The following KLK2 variants were observed in gnomAD, a reference collection of about 807,000 sequenced individuals.
KLK2 encodes the protein kallikrein-2.
KLK2 carries 17 observed loss-of-function variants against 23.0 expected under a neutral mutation model. The observed-to-expected ratio is 0.74, with a 90% CI of 0.51 to 1.11. KLK2 has a LOEUF of 1.11. KLK2 is among the 50% of genes least tolerant of loss of function. KLK2 has a pLI of 0.00. For missense variants in KLK2, 330 were observed against 325.9 expected (o/e 1.01, Z -0.10); for synonymous variants, 140 against 124.7 (o/e 1.12, Z -0.82).
Position 50,876,650 on chromosome 19 carries a change from C to G in KLK2, c.385C>G (p.Pro129Ala). Residue 129 changes from proline to alanine, a missense_variant, in exon 3 of 5, where the codon CCT becomes GCT. By Grantham distance (27) the Pro-to-Ala change is conservative (BLOSUM62 -1). Coordinates refer to ENST00000325321, the MANE Select transcript of KLK2 (RefSeq NM_005551.5). ...CCTCATGCTGCTCCGCCTGTCAGAG[C>G]CTGCCAAGATCACAGATGTTGTGAA... ...HDLMLLRLSE[P>A]AKITDVVKVL... 6.2e-7 allele frequency: 1 copy of G among 1,614,176 alleles called. No individual in the cohort carries two copies. Among genetic ancestry groups the G allele is most frequent in the Non-Finnish European group, 8.5e-7 (1 of 1,180,038 alleles).
Position 50,878,549 on chromosome 19 carries a change from C to G in KLK2, c.776C>G (p.Ala259Gly). 6.2e-7 allele frequency: 1 copy of G among 1,613,306 alleles called. No homozygotes were observed. Among genetic ancestry groups the G allele is most frequent in the Non-Finnish European group, 8.5e-7 (1 of 1,179,402 alleles). The stretch of plus-strand genomic sequence containing the variant: ...AAGTGGATCAAGGACACCATCGCAG[C>G]CAACCCCTGAGTGCCCCTGTCCCAC... ...YRKWIKDTIA[A>G]NP The change falls in exon 5 of 5, where the codon GCC becomes GGC. Residue 259 changes from alanine (A) to glycine (G), a missense_variant. Coordinates refer to ENST00000325321, the MANE Select transcript of KLK2 (RefSeq NM_005551.5).
At position 50,880,177 on chromosome 19, in the gene KLK2, T is replaced by C. The variant is rs142002082; in HGVS notation, c.*1618T>C. The C allele has an allele frequency of 7.0e-5, 16 of 230,050 alleles. No individual in the cohort carries two copies. The highest frequency in any genetic ancestry group is 1.2e-4 in the Non-Finnish European group (14 of 116,058). The allele number at this position is 230,050 out of a possible 1,614,324, so 14.3% of individuals were successfully genotyped here. Reference sequence around the variant, plus strand: ...CACCCCACACATAGCACCGGAGATATGAGATCAACAGTTTCTTAGCCATAG... The same window carrying C: ...CACCCCACACATAGCACCGGAGATACGAGATCAACAGTTTCTTAGCCATAG... On this transcript the variant is annotated 3_prime_UTR_variant, in exon 5 of 5. Coordinates refer to ENST00000325321, the MANE Select transcript of KLK2 (RefSeq NM_005551.5).
chr19:50,874,147 C>G (rs975534926), intron 1 of KLK2: 1 of 152,828 alleles, frequency 6.5e-6, no homozygotes, highest in Admixed American at 6.5e-5. Context: ...GGGAAAAACA[C>G]GAGCACCCCC....
In KLK2 at chr19:50,878,764, T is replaced by A. The variant is rs924310901; in HGVS notation, c.*205T>A. 13 of 488,706 alleles carry A rather than the reference T, an allele frequency of 2.7e-5. No homozygotes were observed. The Middle Eastern group carries it at 9.0e-4, about 34-fold the overall frequency. 30.3% of individuals were successfully genotyped at this position (488,706 alleles called of 1,614,324 possible). On this transcript the variant is annotated 3_prime_UTR_variant, in exon 5 of 5. Coordinates refer to ENST00000325321, the MANE Select transcript of KLK2 (RefSeq NM_005551.5). ...ATGGGCAGACACAGGTGTATGCCAATGTTTCTGAAATGGGTATAATTTCGT... is the reference window on the plus strand; with the variant it reads ...ATGGGCAGACACAGGTGTATGCCAAAGTTTCTGAAATGGGTATAATTTCGT...
At chr19:50,876,360 G>C in intron 2 of KLK2, 112 bp from the exon 3 acceptor site, 1 of 942,844 alleles carries the variant, frequency 1.1e-6, no homozygotes, top group Non-Finnish European at 1.6e-6. Context: ...CGACCCCTGT[G>C]CTTTTCTCAC....
In KLK2 at chr19:50,873,508, TG is replaced by T; in HGVS notation, c.39del (p.Cys14AlafsTer54). The T allele has an allele frequency of 6.3e-7, 1 of 1,596,128 alleles. No homozygotes were observed. The highest frequency in any genetic ancestry group is 8.6e-7 in the Non-Finnish European group (1 of 1,168,010). ...WDLVLSIALS[V>X]GCTGAVPLIQ... Reference sequence around the variant, plus strand: ...CTGGTTCTCTCCATCGCCTTGTCTGTGGGGTGCACTGGTGAGATTGGGGGGA... The same window carrying T: ...CTGGTTCTCTCCATCGCCTTGTCTGTGGGTGCACTGGTGAGATTGGGGGGA... On this transcript the variant is annotated frameshift_variant, in exon 1 of 5. Coordinates refer to ENST00000325321, the MANE Select transcript of KLK2 (RefSeq NM_005551.5). LOFTEE classifies it high-confidence loss of function.
rs2090294490 is a variant in KLK2, at chr19:50,876,870, A to T, written c.494-2A>T. ...ACAGCCCAGTTTTTCTCTGACCCAT[A>T]GTCTTGCGCCCCAGGAGTCTTCAGT... On this transcript the variant is annotated splice_acceptor_variant, in intron 3 of 4. Coordinates refer to ENST00000325321, the MANE Select transcript of KLK2 (RefSeq NM_005551.5). LOFTEE classifies it high-confidence loss of function. The T allele has an allele frequency of 2.5e-6, 4 of 1,613,908 alleles. No homozygotes were observed. The highest frequency in any genetic ancestry group is 3.4e-6 in the Non-Finnish European group (4 of 1,179,876).
rs2090314746 is a variant in KLK2, at chr19:50,878,709, G to T, written c.*150G>T. On this transcript the variant is annotated 3_prime_UTR_variant, in exon 5 of 5. Transcript: ENST00000325321. ...GAGTCCTACTGACCTGTGCTTTCTG[G>T]TGTGGAGTCCAGGGCTGCTAGGAAA... The T allele has an allele frequency of 4.3e-6, 3 of 691,596 alleles. No individual in the cohort carries two copies. Among genetic ancestry groups the T allele is most frequent in the Non-Finnish European group, 7.4e-6 (3 of 402,888 alleles). The allele number at this position is 691,596 out of a possible 1,614,324, so 42.8% of individuals were successfully genotyped here. A position where few individuals can be genotyped will look rare whatever the true frequency, so the allele number is the denominator to read the frequency against.
chr19:50,878,427 CTGTAATGG>C lies in KLK2; in HGVS notation c.658_665del (p.Asn220AlafsTer10). ...AGGGTGATTCTGGGGGTCCACTTGT[CTGTAATGG>C]TGTGCTTCAAGGTATCACATCATGG... On this transcript the variant is annotated frameshift_variant, in exon 5 of 5. Coordinates refer to ENST00000325321, the MANE Select transcript of KLK2 (RefSeq NM_005551.5). LOFTEE classifies it low-confidence loss of function (END_TRUNC). The C allele has an allele frequency of 6.2e-7, 1 of 1,613,734 alleles. No individual in the cohort carries two copies. Among genetic ancestry groups the C allele is most frequent in the South Asian group, 1.1e-5 (1 of 91,062 alleles).
chr19:50,873,512 G>T lies in KLK2; in HGVS notation c.39G>T (p.Gly13=). ...DLVLSIALSV[G]CTGAVPLIQS... ...TTCTCTCCATCGCCTTGTCTGTGGG[G>T]TGCACTGGTGAGATTGGGGGGATAA... Residue 13 remains glycine, a synonymous_variant, in exon 1 of 5, where the codon GGG becomes GGT. Transcript: ENST00000325321. 1.9e-6 allele frequency: 3 copies of T among 1,591,378 alleles called. No homozygotes were observed. Among genetic ancestry groups the T allele is most frequent in the Non-Finnish European group, 2.6e-6 (3 of 1,163,702 alleles).
intron 1 of KLK2, 25 bp from the exon 2 acceptor site, chr19:50,874,696 C>G: frequency 6.3e-7 from 1 of 1,594,182 alleles, no homozygotes; most frequent in Non-Finnish European, 8.5e-7. Context: ...GGTCTGATCC[C>G]CCTGACCCAG....
At position 50,874,704 on chromosome 19, in the gene KLK2, C is replaced by G. The variant is rs750070282; in HGVS notation, c.47-17C>G. 1 of 1,600,904 alleles carries G rather than the reference C, an allele frequency of 6.2e-7. No individual in the cohort carries two copies. Among genetic ancestry groups the G allele is most frequent in the Admixed American group, 1.7e-5 (1 of 59,230 alleles). On this transcript the variant is annotated splice_polypyrimidine_tract_variant and intron_variant, in intron 1 of 4. Transcript: ENST00000325321. ...TCTTTTGGGTCTGATCCCCCTGACCCAGCACCCCCTCCGCAGGTGCCGTGC... is the reference window on the plus strand; with the variant it reads ...TCTTTTGGGTCTGATCCCCCTGACCGAGCACCCCCTCCGCAGGTGCCGTGC...
chr19:50,874,990 G>A, intron 2 of KLK2, 110 bp downstream of exon 2: 1 of 1,442,574 alleles, frequency 6.9e-7, no homozygotes, highest in Non-Finnish European at 9.1e-7. Flanking sequence ...CTAAAGGAGA[G>A]AGGGAAGGTC....
Position 50,879,818 on chromosome 19 carries a change from C to T in KLK2, c.*1259C>T, listed in dbSNP as rs2090324907. Reference sequence around the variant, plus strand: ...ATCAAGGCACTTGGGCAGAACATGCCAAGGAATCAAATGTCATCTCCCAGG... The same window carrying T: ...ATCAAGGCACTTGGGCAGAACATGCTAAGGAATCAAATGTCATCTCCCAGG... On this transcript the variant is annotated 3_prime_UTR_variant, in exon 5 of 5. Coordinates refer to ENST00000325321, the MANE Select transcript of KLK2 (RefSeq NM_005551.5). The T allele has an allele frequency of 8.7e-6, 2 of 229,554 alleles. No individual in the cohort carries two copies. Among genetic ancestry groups the T allele is most frequent in the Admixed American group, 5.7e-5 (1 of 17,656 alleles). 14.2% of individuals were successfully genotyped at this position (229,554 alleles called of 1,614,324 possible). A position where few individuals can be genotyped will look rare whatever the true frequency, so the allele number is the denominator to read the frequency against.
chr19:50,873,561 C>T, intron 1 of KLK2, 42 bp downstream of exon 1: 3 of 1,429,090 alleles, frequency 2.1e-6, no homozygotes, highest in African/African-American at 1.4e-5. Context: ...GGTTCTGACT[C>T]TTATGCTGAA....
chr19:50,875,109 T>G, intron 2 of KLK2: 1 of 714,030 alleles, frequency 1.4e-6, no homozygotes, highest in Non-Finnish European at 2.1e-6. Flanking sequence ...TATCTGGCTC[T>G]GGTTGTGTCT....
chr19:50,873,449 C>T lies in KLK2; in HGVS notation c.-25C>T. Reference sequence around the variant, plus strand: ...AGGCCCCCCAGCCCCAAACTCACCACCTGGCCGTGGACACCTGTGTCAGCA... The same window carrying T: ...AGGCCCCCCAGCCCCAAACTCACCATCTGGCCGTGGACACCTGTGTCAGCA... On this transcript the variant is annotated 5_prime_UTR_variant, in exon 1 of 5. Coordinates refer to ENST00000325321, the MANE Select transcript of KLK2 (RefSeq NM_005551.5). The T allele has an allele frequency of 6.3e-7, 1 of 1,585,302 alleles. No homozygotes were observed. Among genetic ancestry groups the T allele is most frequent in the Non-Finnish European group, 8.6e-7 (1 of 1,162,618 alleles).
At position 50,874,900 on chromosome 19, in the gene KLK2, C is replaced by T. The variant is rs1360917319; in HGVS notation, c.206+20C>T. On this transcript the variant is annotated intron_variant, in intron 2 of 4. Transcript: ENST00000325321. ...AAAGAAGTAAGTAGGACCCTGGGAT[C>T]TGGGGAGGGAATGGCTGTGTCCCAC... is the stretch of plus-strand genomic sequence containing the variant. 6.2e-7 allele frequency: 1 copy of T among 1,610,238 alleles called. No individual in the cohort carries two copies. The highest frequency in any genetic ancestry group is 1.1e-5 in the South Asian group (1 of 90,534).
chr19:50,877,585 G>T (rs995648642), intron 4 of KLK2: 1 of 161,588 alleles, frequency 6.2e-6, no homozygotes, highest in South Asian at 1.8e-4. Context: ...GAGCGAGGGG[G>T]CTGCATGGCT....
Sources: allele counts gnomAD v4.1 joint callset, GRCh38; gene constraint gnomAD v4.1.1; transcripts MANE v1.5; gene names NCBI Gene and HGNC (gene_info 2026-07-23, HGNC 2026-07-21).